Variants in VSTM4 observed in about 807,000 individuals in gnomAD.
VSTM4 encodes the protein V-set and transmembrane domain-containing protein 4.
Under a neutral mutation model 36.4 loss-of-function variants are expected in VSTM4, and 20 were observed. The observed-to-expected ratio is 0.55, with a 90% CI of 0.39 to 0.80. The LOEUF (loss-of-function observed/expected upper bound fraction) is 0.80, where lower values mean the gene tolerates loss of function less well. Among genes scored for constraint, VSTM4 ranks in the 30% least tolerant of loss-of-function variants. The pLI is 0.00. For synonymous variants in VSTM4, 182 were observed against 173.9 expected, an observed-to-expected ratio of 1.05 and a Z score of -0.37; for missense variants, 392 against 404.5, an observed-to-expected ratio of 0.97 and a Z score of 0.26.
At chr10:49,054,910 CAAAGA>C in intron 5 of VSTM4, among the ~76,000 whole-genome samples, 1 of 148,840 alleles carries the variant, frequency 6.7e-6, no homozygotes, top group East Asian at 1.9e-4. Context: ...CCAGCCATCT[CAAAGA>C]TGCTGGGTGC....
chr10:49,044,747 G>A (rs1357564770), intron 7 of VSTM4, among the ~76,000 whole-genome samples: 2 of 148,794 alleles, frequency 1.3e-5, no homozygotes, highest in Non-Finnish European at 3.0e-5. Flanking sequence ...CTTCATGTTG[G>A]TGCTTTATGT....
chr10:49,055,119 G>A (rs758824032), intron 5 of VSTM4, among the ~76,000 whole-genome samples: 1 of 152,144 alleles, frequency 6.6e-6, no homozygotes, highest in Non-Finnish European at 1.5e-5. Flanking sequence ...AAATGCTTTC[G>A]TCAAGCCAAA....
chr10:49,115,266 A>T (rs919670572), intron 1 of VSTM4, among the ~76,000 whole-genome samples, 165 bp downstream of exon 1: 7 of 151,458 alleles, frequency 4.6e-5, no homozygotes, highest in African/African-American at 1.5e-4. Flanking sequence ...CGCCCGCCAG[A>T]CCCTCGGCGA....
chr10:49,092,860 A>G (rs746672379), intron 2 of VSTM4, among the ~76,000 whole-genome samples: 46 of 152,128 alleles, frequency 3.0e-4, no homozygotes, highest in African/African-American at 1.0e-3. Context: ...ATGCCAGCAG[A>G]AGAGCACACA....
At chr10:49,096,943 G>A (rs1046941615) in intron 2 of VSTM4, among the ~76,000 whole-genome samples, 27 of 151,966 alleles carry the variant, frequency 1.8e-4, no homozygotes, top group African/African-American at 6.0e-4. Context: ...ATGAGCCACC[G>A]TGCCCAGACA....
At chr10:49,090,073 A>C (rs2132006025) in intron 2 of VSTM4, among the ~76,000 whole-genome samples, 1 of 152,390 alleles carries the variant, frequency 6.6e-6, no homozygotes, top group East Asian at 1.9e-4. Flanking sequence ...GCTTTGAGAA[A>C]AAATTTGGCA....
At position 49,068,505 on chromosome 10, in the gene VSTM4, G is replaced by A. The variant is rs150384684; in HGVS notation, c.635-3769C>T. ...TGCTGAGGCACCGTTCTGAGATCTC[G>A]GCAGCATGTATGTGGGGTTGATGGT... On this transcript the variant is annotated intron_variant, in intron 4 of 7. Transcript: ENST00000332853. 2.4e-3 allele frequency among the ~76,000 whole-genome samples: 372 copies of A among 152,242 alleles called. 1 individual carries two copies. Among genetic ancestry groups the A allele is most frequent in the Non-Finnish European group, 4.4e-3 (300 of 68,002 alleles).
chr10:49,027,314 C>T (rs559773984), intron 7 of VSTM4, among the ~76,000 whole-genome samples: 1 of 152,306 alleles, frequency 6.6e-6, no homozygotes, highest in South Asian at 2.1e-4. Context: ...GAGCTATGTT[C>T]TCAAATGTGT....
intron 5 of VSTM4, among the ~76,000 whole-genome samples, chr10:49,058,143 G>C (rs1564577230): frequency 6.6e-6 from 1 of 152,066 alleles, no homozygotes; most frequent in Non-Finnish European, 1.5e-5. Context: ...TCCTTCCATT[G>C]CCTTGACTTT....
At chr10:49,111,019 GAC>G (rs1474610818) in intron 1 of VSTM4, among the ~76,000 whole-genome samples, 1 of 152,216 alleles carries the variant, frequency 6.6e-6, no homozygotes, top group African/African-American at 2.4e-5. Flanking sequence ...TTTGCTGGAG[GAC>G]ACAAGCTATT....
chr10:49,040,310 T>C lies in VSTM4; in HGVS notation c.837+6673A>G, dbSNP rs576001972. ...TTTCTTCTTTTTTTTTGAGACACAGTCTCACTCTGTCACCTAGGCTGTAGT... is the reference window on the plus strand; with the variant it reads ...TTTCTTCTTTTTTTTTGAGACACAGCCTCACTCTGTCACCTAGGCTGTAGT... On this transcript the variant is annotated intron_variant, in intron 7 of 7. Coordinates refer to ENST00000332853, the MANE Select transcript of VSTM4 (RefSeq NM_001031746.5). 1.5e-4 allele frequency among the ~76,000 whole-genome samples: 23 copies of C among 152,322 alleles called. No homozygotes were observed. The South Asian group carries it at 3.1e-3, about 21-fold the overall frequency.
intron 2 of VSTM4, among the ~76,000 whole-genome samples, chr10:49,092,187 G>A (rs1341871760): frequency 6.6e-6 from 1 of 152,162 alleles, no homozygotes; most frequent in Non-Finnish European, 1.5e-5. Flanking sequence ...GAATCAACTG[G>A]GCTCTTATTA....
intron 5 of VSTM4, among the ~76,000 whole-genome samples, chr10:49,049,094 G>A (rs1843658415): frequency 6.6e-6 from 1 of 152,198 alleles, no homozygotes; most frequent in Non-Finnish European, 1.5e-5. Context: ...CTGGGGAGCT[G>A]CACCTGGATG....
At chr10:49,063,182 T>C (rs1177586302) in intron 5 of VSTM4, among the ~76,000 whole-genome samples, 1 of 152,066 alleles carries the variant, frequency 6.6e-6, no homozygotes, top group Admixed American at 6.6e-5. Context: ...CTACTAAACA[T>C]GCAAAAATAT....
At position 49,085,956 on chromosome 10, in the gene VSTM4, T is replaced by C; in HGVS notation, c.525A>G (p.Glu175=). ...EKTKETWAFF[E]DLYVYAVLVC... is the part of the protein sequence containing the mutation. ...AAAAAAGAAATATACAAGCTTTACC[T>C]TCAAAAAATGCCCAAGTCTCTTTTG... is the stretch of plus-strand genomic sequence containing the variant. The change falls in exon 3 of 8, where the codon GAA becomes GAG. Residue 175 remains glutamate, a splice_region_variant and synonymous_variant. Coordinates refer to ENST00000332853, the MANE Select transcript of VSTM4 (RefSeq NM_001031746.5). 1 of 1,583,148 alleles carries C rather than the reference T, an allele frequency of 6.3e-7. No homozygotes were observed. Among genetic ancestry groups the C allele is most frequent in the Non-Finnish European group, 8.6e-7 (1 of 1,165,664 alleles).
intron 5 of VSTM4, among the ~76,000 whole-genome samples, chr10:49,049,449 T>G (rs1843664426): frequency 6.6e-6 from 1 of 152,160 alleles, no homozygotes; most frequent in African/African-American, 2.4e-5. Context: ...TTCGCAAACT[T>G]TCTTGAATGA....
intron 7 of VSTM4, among the ~76,000 whole-genome samples, chr10:49,043,914 T>C (rs565845265): frequency 3.3e-5 from 5 of 152,388 alleles, no homozygotes; most frequent in South Asian, 4.1e-4. Flanking sequence ...ATGAGTTTAC[T>C]GGCTATTTGT....
At chr10:49,023,052 TA>T (rs1474216314) in intron 7 of VSTM4, among the ~76,000 whole-genome samples, 5 of 152,316 alleles carry the variant, frequency 3.3e-5, no homozygotes, top group Non-Finnish European at 5.9e-5. Flanking sequence ...CAAATAAAAG[TA>T]GTACTTTCAT....
intron 7 of VSTM4, among the ~76,000 whole-genome samples, chr10:49,030,889 TA>T (rs1843335931): frequency 6.6e-6 from 1 of 152,216 alleles, no homozygotes; most frequent in South Asian, 2.1e-4. Context: ...TTTTGGAAGC[TA>T]AAATGTGATT....
Sources: gnomAD v4.1 joint callset for allele counts (sites outside exome capture counted in the v4.1 genomes callset) on GRCh38, gnomAD v4.1.1 for gene constraint, MANE v1.5 for transcripts, NCBI Gene and HGNC (gene_info 2026-07-23, HGNC 2026-07-21) for gene names.